The following OSBPL8 variants were observed in gnomAD, a reference collection of about 807,000 sequenced individuals.
The protein encoded by OSBPL8 is oxysterol-binding protein-related protein 8.
OSBPL8 carries 59 observed loss-of-function variants against 125.5 expected under a neutral mutation model. That is an observed-to-expected ratio of 0.47 (90% CI 0.38 to 0.58). The LOEUF is 0.58. Ranked by LOEUF, OSBPL8 falls within the 20% of genes least tolerant of loss-of-function variation. The pLI, the probability that OSBPL8 is intolerant of heterozygous loss-of-function variation, is 0.00. For synonymous variants in OSBPL8, 330 were observed against 338.9 expected (o/e 0.97, Z 0.29); for missense variants, 758 against 1,047.8 (o/e 0.72, Z 3.82).
In OSBPL8 at chr12:76,410,953, G is replaced by A. The variant is rs1308311476; in HGVS notation, c.218-319C>T. Among the ~76,000 whole-genome samples, 7 of 152,202 alleles carry A rather than the reference G, an allele frequency of 4.6e-5. No homozygotes were observed. In the East Asian group the frequency reaches 1.4e-3, roughly 29 times the overall value. ...TTTCCAGCAACGAATTCTAACTCAC[G>A]GAACCAACTCAACATACTTTTCATA... On this transcript the variant is annotated intron_variant, in intron 4 of 23. Transcript: ENST00000261183.
At chr12:76,425,392 C>T (rs1379788161) in intron 4 of OSBPL8, among the ~76,000 whole-genome samples, 1 of 152,134 alleles carries the variant, frequency 6.6e-6, no homozygotes, top group Admixed American at 6.6e-5. Flanking sequence ...CAACAATGCA[C>T]TATATCTTTG....
In OSBPL8 at chr12:76,353,816, C is replaced by T. The variant is rs1951898317; in HGVS notation, c.*2073G>A. The T allele has an allele frequency of 6.6e-6, 1 of 152,318 alleles. No individual in the cohort carries two copies. The highest frequency in any genetic ancestry group is 2.4e-5 in the African/African-American group (1 of 41,410). 9.4% of individuals were successfully genotyped at this position (152,318 alleles called of 1,614,324 possible). On this transcript the variant is annotated 3_prime_UTR_variant, in exon 24 of 24. Coordinates refer to ENST00000261183, the MANE Select transcript of OSBPL8 (RefSeq NM_020841.5). ...CTTTCTTAAGAAATAGTTTTTGACT[C>T]TTTGGGTAAGAACCCATAACATTTG...
chr12:76,504,650 G>A (rs1880237958), intron 1 of OSBPL8, among the ~76,000 whole-genome samples: 1 of 152,130 alleles, frequency 6.6e-6, no homozygotes. Context: ...CCTGGGCATG[G>A]GCCAAGATAA....
intron 1 of OSBPL8, among the ~76,000 whole-genome samples, chr12:76,508,325 C>A (rs961259643): frequency 2.0e-5 from 3 of 152,202 alleles, no homozygotes; most frequent in African/African-American, 7.2e-5. Context: ...CTATAGTAGT[C>A]ATCAGCCATA....
At chr12:76,543,347 A>G (rs1391091197) in intron 1 of OSBPL8, among the ~76,000 whole-genome samples, 2 of 152,162 alleles carry the variant, frequency 1.3e-5, no homozygotes, top group Non-Finnish European at 2.9e-5. Context: ...ATTAAAGTCC[A>G]CCATCTGGGA....
At chr12:76,402,065 G>A (rs370128912) in intron 6 of OSBPL8, among the ~76,000 whole-genome samples, 2 of 152,038 alleles carry the variant, frequency 1.3e-5, no homozygotes, top group East Asian at 3.8e-4. Flanking sequence ...TTTAGATTTT[G>A]GTCTTTATTA....
intron 4 of OSBPL8, among the ~76,000 whole-genome samples, chr12:76,414,865 T>C (rs7307448): frequency 0.77 from 117,314 of 152,160 alleles, 46,088 homozygotes; most frequent in African/African-American, 0.93. Context: ...ATTAAGATAA[T>C]CATATTATTT....
chr12:76,526,028 G>C (rs1950161549), intron 1 of OSBPL8, among the ~76,000 whole-genome samples: 1 of 152,198 alleles, frequency 6.6e-6, no homozygotes, highest in South Asian at 2.1e-4. Context: ...TGGTTACTTG[G>C]ATATATACAT....
chr12:76,419,718 C>A (rs1809246715), intron 4 of OSBPL8, among the ~76,000 whole-genome samples: 1 of 152,184 alleles, frequency 6.6e-6, no homozygotes, highest in South Asian at 2.1e-4. Flanking sequence ...TCCTAAAGCT[C>A]AACCCCAAAA....
At chr12:76,445,683 T>C (rs1872655060) in intron 4 of OSBPL8, among the ~76,000 whole-genome samples, 1 of 152,022 alleles carries the variant, frequency 6.6e-6, no homozygotes, top group Non-Finnish European at 1.5e-5. Flanking sequence ...AAACACCTAC[T>C]GGAATGACTA....
intron 1 of OSBPL8, among the ~76,000 whole-genome samples, chr12:76,499,610 G>A (rs1458821360): frequency 6.6e-6 from 1 of 152,088 alleles, no homozygotes; most frequent in Non-Finnish European, 1.5e-5. Flanking sequence ...CAGCACTTCA[G>A]GAGGCTGAGG....
At chr12:76,429,888 A>T (rs369448189) in intron 4 of OSBPL8, among the ~76,000 whole-genome samples, 22 of 43,208 alleles carry the variant, frequency 5.1e-4, no homozygotes, top group African/African-American at 1.1e-3. Flanking sequence ...CAAGGGTTTT[A>T]AAAAAAAAAA....
In OSBPL8 at chr12:76,355,505, AGATT is replaced by A. The variant is rs915840713; in HGVS notation, c.*380_*383del. The A allele has an allele frequency of 1.3e-5, 2 of 154,130 alleles. No homozygotes were observed. The highest frequency in any genetic ancestry group is 2.9e-5 in the Non-Finnish European group (2 of 69,456). The allele number at this position is 154,130 out of a possible 1,614,324, so 9.5% of individuals were successfully genotyped here. A position where few individuals can be genotyped will look rare whatever the true frequency, so the allele number is the denominator to read the frequency against. The stretch of plus-strand genomic sequence containing the variant: ...AGAAAATAGATTACATATATTTATA[AGATT>A]GATAGCATTTTTTGTTATGAACAAT... On this transcript the variant is annotated 3_prime_UTR_variant, in exon 24 of 24. Coordinates refer to ENST00000261183, the MANE Select transcript of OSBPL8 (RefSeq NM_020841.5).
intron 2 of OSBPL8, among the ~76,000 whole-genome samples, chr12:76,465,401 A>C (rs555960474): frequency 1.1e-4 from 17 of 152,066 alleles, no homozygotes; most frequent in African/African-American, 4.1e-4. Context: ...TCTACTAAAA[A>C]TACAAAAAAT....
chr12:76,535,206 C>G (rs985113808), intron 1 of OSBPL8, among the ~76,000 whole-genome samples: 1 of 151,776 alleles, frequency 6.6e-6, no homozygotes, highest in African/African-American at 2.4e-5. Flanking sequence ...AGAAAATATG[C>G]ACAACACATA....
chr12:76,482,906 A>C (rs544848647), intron 2 of OSBPL8, among the ~76,000 whole-genome samples: 49 of 152,314 alleles, frequency 3.2e-4, no homozygotes, highest in African/African-American at 1.1e-3. Flanking sequence ...GACAAACAGC[A>C]CTACCAGAAA....
chr12:76,404,490 G>A lies in OSBPL8; in HGVS notation c.289-1724C>T, dbSNP rs577132920. Among the ~76,000 whole-genome samples the A allele has an allele frequency of 4.6e-5, 7 of 151,522 alleles. No homozygotes were observed. The East Asian group carries it at 9.7e-4, about 21-fold the overall frequency. ...ACTTATAGGCAGATTTTTTTTCTAC[G>A]GAAGTTACACTGAGTGTACCTGCCT... On this transcript the variant is annotated intron_variant, in intron 5 of 23. Transcript: ENST00000261183.
chr12:76,499,351 A>ATCTATCATCTT, intron 1 of OSBPL8, among the ~76,000 whole-genome samples: 1 of 7,794 alleles, frequency 1.3e-4, no homozygotes, highest in African/African-American at 6.6e-4. Context: ...TCTATCTATC[A>ATCTATCATCTT]TCTATCTATC....
intron 1 of OSBPL8, among the ~76,000 whole-genome samples, chr12:76,534,799 T>C (rs1950445301): frequency 6.6e-6 from 1 of 152,136 alleles, no homozygotes; most frequent in Non-Finnish European, 1.5e-5. Flanking sequence ...GGTACTAGCA[T>C]ACCGCACATA....
Sources: allele counts gnomAD v4.1 joint callset (sites outside exome capture counted in the v4.1 genomes callset), GRCh38; gene constraint gnomAD v4.1.1; transcripts MANE v1.5; gene names NCBI Gene and HGNC (gene_info 2026-07-23, HGNC 2026-07-21).